Variants in MMD observed in about 807,000 individuals in gnomAD.
MMD encodes the protein monocyte to macrophage differentiation factor.
Under a neutral mutation model 33.6 loss-of-function variants are expected in MMD, and 22 were observed. The ratio of observed to expected loss-of-function variants is 0.66; its 90% CI spans 0.47 to 0.94. The LOEUF is 0.94. Among genes scored for constraint, MMD ranks in the 40% least tolerant of loss-of-function variants. The pLI is 0.00. For synonymous variants in MMD, 97 were observed against 103.2 expected (o/e 0.94, Z 0.36); for missense variants, 242 against 309.8 (o/e 0.78, Z 1.64).
At chr17:55,398,749 T>C (rs984393693) in intron 6 of MMD, among the ~76,000 whole-genome samples, 1 of 152,188 alleles carries the variant, frequency 6.6e-6, no homozygotes, top group Non-Finnish European at 1.5e-5. Flanking sequence ...GCCCTCCCTC[T>C]AGGGATAGAG....
At chr17:55,411,497 T>C in intron 2 of MMD, 80 bp from the exon 3 acceptor site, 1 of 1,408,030 alleles carries the variant, frequency 7.1e-7, no homozygotes, top group Non-Finnish European at 9.5e-7. Flanking sequence ...TACAGAGCTT[T>C]ACCAGGAACA....
intron 3 of MMD, 30 bp downstream of exon 3, chr17:55,411,227 T>G (rs1907748144): frequency 3.1e-6 from 5 of 1,595,502 alleles, no homozygotes; most frequent in Non-Finnish European, 2.6e-6. Context: ...ACTATTTGGA[T>G]CTGTTGAAAC....
intron 5 of MMD, among the ~76,000 whole-genome samples, chr17:55,402,087 CAAAAAAAAAAAAAAAAAGAAA>C (rs1907362381): frequency 1.1e-5 from 1 of 92,050 alleles, no homozygotes; most frequent in African/African-American, 4.3e-5. Context: ...GACTCAGTCT[CAAAAAAAAAAAAAAAAAGAAA>C]AGAAAAAAAA....
intron 4 of MMD, chr17:55,404,353 TAA>T (rs879282832): frequency 2.1e-3 from 1,208 of 562,794 alleles, no homozygotes; most frequent in Middle Eastern, 3.4e-3. Context: ...AGACTCCACC[TAA>T]AAAAAAAAAA....
chr17:55,411,349 C>T lies in MMD; in HGVS notation c.177G>A (p.Lys59=), dbSNP rs1465355245. The change falls in exon 3 of 7, where the codon AAG becomes AAA. Residue 59 remains lysine, a synonymous_variant. Coordinates refer to ENST00000262065, the MANE Select transcript of MMD (RefSeq NM_012329.3). ...LHRLSDDCWE[K]ITAWIYGMGL... ...CCATTCCATAAATCCATGCTGTTAT[C>T]TTTTCCCAGCAGTCATCAGACAGCC... 1 of 1,614,044 alleles carries T rather than the reference C, an allele frequency of 6.2e-7. No individual in the cohort carries two copies. Among genetic ancestry groups the T allele is most frequent in the East Asian group, 2.2e-5 (1 of 44,880 alleles).
chr17:55,420,675 T>C (rs1908149082), intron 1 of MMD: 1 of 152,216 alleles, frequency 6.6e-6, no homozygotes. Flanking sequence ...ATGCATTTCT[T>C]AAAATTTCCC....
intron 1 of MMD, among the ~76,000 whole-genome samples, chr17:55,418,979 C>A (rs1908075422): frequency 6.6e-6 from 1 of 152,042 alleles, no homozygotes; most frequent in Admixed American, 6.6e-5. Context: ...TCTGTGTGCC[C>A]ACACACAGAT....
At chr17:55,412,220 C>T (rs1287143029) in intron 2 of MMD, among the ~76,000 whole-genome samples, 7 of 152,180 alleles carry the variant, frequency 4.6e-5, no homozygotes, top group African/African-American at 1.7e-4. Context: ...CATAGCAACA[C>T]ACACATACAA....
chr17:55,405,909 GT>G (rs1907525064), intron 4 of MMD, among the ~76,000 whole-genome samples: 2 of 152,180 alleles, frequency 1.3e-5, no homozygotes, highest in Non-Finnish European at 2.9e-5. Flanking sequence ...GAAAGCTAAT[GT>G]TTCTTTAATT....
intron 2 of MMD, among the ~76,000 whole-genome samples, chr17:55,412,189 A>G (rs1907792714): frequency 6.6e-6 from 1 of 152,246 alleles, no homozygotes; most frequent in Non-Finnish European, 1.5e-5. Flanking sequence ...GAACAAATCA[A>G]GTAATAGGTA....
intron 6 of MMD, 83 bp from the exon 7 acceptor site, chr17:55,394,617 C>A: frequency 8.9e-7 from 1 of 1,121,410 alleles, no homozygotes; most frequent in South Asian, 3.3e-5. Flanking sequence ...CTCTCTAAGG[C>A]TCTTGATTTT....
At chr17:55,401,705 C>T (rs7207017) in intron 5 of MMD, among the ~76,000 whole-genome samples, 167 bp from the exon 6 acceptor site, 61,680 of 152,030 alleles carry the variant, frequency 0.41, 12,866 homozygotes, top group South Asian at 0.43. Flanking sequence ...AACTAAAACA[C>T]AGTAGCTGAG....
At chr17:55,402,071 G>C (rs1436485794) in intron 5 of MMD, among the ~76,000 whole-genome samples, 3 of 127,074 alleles carry the variant, frequency 2.4e-5, no homozygotes, top group Non-Finnish European at 4.7e-5. Context: ...CTGGGTGACA[G>C]AGCGAGACTC....
At chr17:55,417,273 A>G (rs1046594397) in intron 1 of MMD, among the ~76,000 whole-genome samples, 2 of 152,154 alleles carry the variant, frequency 1.3e-5, no homozygotes, top group African/African-American at 4.8e-5. Context: ...TGAGGTCAGG[A>G]GTTCAAGACC....
At chr17:55,417,416 A>G (rs1385706980) in intron 1 of MMD, among the ~76,000 whole-genome samples, 1 of 151,984 alleles carries the variant, frequency 6.6e-6, no homozygotes, top group African/African-American at 2.4e-5. Flanking sequence ...GTCTGTACAA[A>G]TACAAAGTCT....
rs767321672 is a variant in MMD, at chr17:55,407,727, T to C, written c.344+19A>G. ...ATCATAAAATCACTACCTTCGAAAA[T>C]AGGAAGACTGTATCTTACCATGGAG... On this transcript the variant is annotated intron_variant, in intron 4 of 6. Coordinates refer to ENST00000262065, the MANE Select transcript of MMD (RefSeq NM_012329.3). 48 of 1,586,218 alleles carry C rather than the reference T, an allele frequency of 3.0e-5. No homozygotes were observed. The Admixed American group carries it at 8.7e-4, about 29-fold the overall frequency.
At chr17:55,414,615 A>T (rs1598435244) in intron 1 of MMD, among the ~76,000 whole-genome samples, 1 of 151,662 alleles carries the variant, frequency 6.6e-6, no homozygotes, top group South Asian at 2.1e-4. Flanking sequence ...AACTAGAAAA[A>T]AAAAACGAAT....
chr17:55,394,305 T>C lies in MMD; in HGVS notation c.*29A>G, dbSNP rs749014745. On this transcript the variant is annotated 3_prime_UTR_variant, in exon 7 of 7. Transcript: ENST00000262065. ...CTCCCAAGTGCCATAATTGAAATAA[T>C]ACTGGTTTGGAGAATTAGTACAGAT... 1 of 1,318,494 alleles carries C rather than the reference T, an allele frequency of 7.6e-7. No individual in the cohort carries two copies. Among genetic ancestry groups the C allele is most frequent in the East Asian group, 2.8e-5 (1 of 35,756 alleles). The allele number at this position is 1,318,494 out of a possible 1,614,324, so 81.7% of individuals were successfully genotyped here.
intron 3 of MMD, among the ~76,000 whole-genome samples, chr17:55,408,670 G>A (rs1907647953): frequency 6.6e-6 from 1 of 152,182 alleles, no homozygotes; most frequent in Non-Finnish European, 1.5e-5. Flanking sequence ...ATTGACCAAA[G>A]CAAATAATAA....
Sources: allele counts gnomAD v4.1 joint callset (sites outside exome capture counted in the v4.1 genomes callset), GRCh38; gene constraint gnomAD v4.1.1; transcripts MANE v1.5; gene names NCBI Gene and HGNC (gene_info 2026-07-23, HGNC 2026-07-21).